MKRN2OS: variants seen among roughly 807,000 people sequenced by gnomAD.
The protein encoded by MKRN2OS is MKRN2 opposite strand, also known as MKRN2 opposite strand protein.
MKRN2OS carries 17 observed loss-of-function variants against 18.2 expected under a neutral mutation model. The observed-to-expected ratio is 0.93, with a 90% confidence interval of 0.64 to 1.40. The LOEUF (loss-of-function observed/expected upper bound fraction) is 1.40. Among genes scored for constraint, MKRN2OS ranks in the 40% most tolerant of loss-of-function variants. MKRN2OS has a pLI of 0.00. For synonymous variants in MKRN2OS, 121 were observed against 108.5 expected, an observed-to-expected ratio of 1.12 and a Z score of -0.72; for missense variants, 337 against 283.0, an observed-to-expected ratio of 1.19 and a Z score of -1.37.
At chr3:12,557,239 G>T in intron 1 of MKRN2OS, 1 of 1,512,438 alleles carries the variant, frequency 6.6e-7, no homozygotes. Flanking sequence ...GCCGGTGCGC[G>T]CCAGTGCTGT....
chr3:12,547,948 G>A (rs1249934773), upstream of MKRN2OS, among the ~76,000 whole-genome samples: 1 of 151,924 alleles, frequency 6.6e-6, no homozygotes, highest in Non-Finnish European at 1.5e-5. Context: ...TACAGTGAAG[G>A]CAGAGAGGTT....
At chr3:12,545,552 A>G, upstream of MKRN2OS, 1 of 1,016,994 alleles carries the variant, frequency 9.8e-7, no homozygotes, top group Non-Finnish European at 1.4e-6. Flanking sequence ...CGCCCCAAGG[A>G]ACCTGATCAA....
Position 12,540,019 on chromosome 3 carries a change from A to G in MKRN2OS, c.*174T>C. 1 of 854,438 alleles carries G rather than the reference A, an allele frequency of 1.2e-6. No individual in the cohort carries two copies. Among genetic ancestry groups the G allele is most frequent in the Middle Eastern group, 3.5e-4 (1 of 2,834 alleles). 52.9% of individuals were successfully genotyped at this position (854,438 alleles called of 1,614,324 possible). On this transcript the variant is annotated 3_prime_UTR_variant, in exon 4 of 4. Transcript: ENST00000564146. ...AGGCTGGTCTCAAACTCCCAACCTC[A>G]GGTGACCTACCTGTCTTAGCTTCCC...
intron 1 of MKRN2OS, among the ~76,000 whole-genome samples, chr3:12,559,832 GT>G (rs934075804): frequency 1.3e-5 from 2 of 152,258 alleles, no homozygotes; most frequent in Admixed American, 6.5e-5. Flanking sequence ...TTAGTAACCA[GT>G]TTATTTCACC....
At chr3:12,547,854 TC>T (rs1190791779), upstream of MKRN2OS, among the ~76,000 whole-genome samples, 2 of 152,120 alleles carry the variant, frequency 1.3e-5, no homozygotes, top group African/African-American at 2.4e-5. Context: ...AAAGTGCATC[TC>T]CAGTGTTATA....
At chr3:12,547,678 T>A (rs2057896445), upstream of MKRN2OS, among the ~76,000 whole-genome samples, 1 of 152,226 alleles carries the variant, frequency 6.6e-6, no homozygotes, top group Non-Finnish European at 1.5e-5. Context: ...ACATTTTGGT[T>A]GTACTACACT....
downstream of MKRN2OS, among the ~76,000 whole-genome samples, chr3:12,551,200 A>T (rs1227078730): frequency 1.3e-5 from 2 of 152,068 alleles, no homozygotes; most frequent in African/African-American, 2.4e-5. Context: ...TTATTAAAAA[A>T]AAAAAAAAAA....
chr3:12,551,760 A>T (rs2057931408), downstream of MKRN2OS, among the ~76,000 whole-genome samples: 1 of 151,536 alleles, frequency 6.6e-6, no homozygotes, highest in Admixed American at 6.6e-5. Context: ...ATATGGTGAA[A>T]CCCCGTCTCT....
chr3:12,557,096 G>A, intron 1 of MKRN2OS: 1 of 1,483,066 alleles, frequency 6.7e-7, no homozygotes, highest in South Asian at 1.3e-5. Flanking sequence ...CAAGGCCGAG[G>A]CGGCAGCGGC....
intron 1 of MKRN2OS, among the ~76,000 whole-genome samples, chr3:12,555,671 A>G (rs1351130830): frequency 6.6e-6 from 1 of 152,226 alleles, no homozygotes; most frequent in Admixed American, 6.5e-5. Context: ...GATAGAGATG[A>G]ACCCAAGCAA....
intron 1 of MKRN2OS, among the ~76,000 whole-genome samples, chr3:12,543,554 T>C (rs1283505004): frequency 1.3e-5 from 2 of 151,888 alleles, no homozygotes; most frequent in African/African-American, 4.8e-5. Flanking sequence ...ACCACTGCAC[T>C]CCACCCTGGG....
intron 1 of MKRN2OS, chr3:12,557,273 C>T (rs2057984153): frequency 1.4e-6 from 2 of 1,457,780 alleles, no homozygotes; most frequent in East Asian, 2.8e-5. Context: ...GAGGCTAGAG[C>T]GGGACTCGGA....
Position 12,543,245 on chromosome 3 carries a change from TTTG to T in MKRN2OS, c.219-19_219-17del, listed in dbSNP as rs757733358. On this transcript the variant is annotated splice_polypyrimidine_tract_variant and intron_variant, in intron 1 of 3. Coordinates refer to ENST00000564146, the MANE Select transcript of MKRN2OS (RefSeq NM_001195279.2). ...ATCATACTCTCTGAAAGAAACAAGG[TTTG>T]TTTTTTTTTGGTTTGCATGTATTTG... 1.3e-6 allele frequency: 2 copies of T among 1,525,956 alleles called. No individual in the cohort carries two copies. The highest frequency in any genetic ancestry group is 2.4e-5 in the South Asian group (2 of 82,954). The allele number at this position is 1,525,956 out of a possible 1,614,324, so 94.5% of individuals were successfully genotyped here.
At chr3:12,543,618 G>A (rs1402256539) in intron 1 of MKRN2OS, among the ~76,000 whole-genome samples, 2 of 151,564 alleles carry the variant, frequency 1.3e-5, no homozygotes, top group African/African-American at 4.9e-5. Flanking sequence ...GGATGCAGTG[G>A]CTCACGCCTG....
upstream of MKRN2OS, among the ~76,000 whole-genome samples, chr3:12,548,206 T>C (rs934280174): frequency 1.1e-4 from 16 of 152,016 alleles, no homozygotes; most frequent in African/African-American, 3.9e-4. Context: ...CCCAGCACTT[T>C]GGGAGGCCGA....
chr3:12,555,571 T>A lies in MKRN2OS; in HGVS notation n.265-1437A>T, dbSNP rs554029990. 2.7e-4 allele frequency among the ~76,000 whole-genome samples: 41 copies of A among 152,186 alleles called. 1 individual carries two copies. In the South Asian group the frequency reaches 8.5e-3, roughly 32 times the overall value. ...ACATAACATGGAAAGATCTCACAGA[T>A]AAAATGTTGGTCAAAAGAAGGCAGA... On this transcript the variant is annotated intron_variant and non_coding_transcript_variant, in intron 1 of 1. Transcript: ENST00000447550.
In MKRN2OS at chr3:12,545,336, G is replaced by T. The variant is rs1159399683; in HGVS notation, c.129C>A (p.Asp43Glu). 1 of 1,536,116 alleles carries T rather than the reference G, an allele frequency of 6.5e-7. No individual in the cohort carries two copies. The highest frequency in any genetic ancestry group is 2.4e-5 in the East Asian group (1 of 40,926). Residue 43 changes from aspartate (D) to glutamate (E), a missense_variant, in exon 1 of 4, where the codon GAC (aspartate) becomes GAA (glutamate). Asp to Glu is a conservative substitution (Grantham distance 45). Coordinates refer to ENST00000564146, the MANE Select transcript of MKRN2OS (RefSeq NM_001195279.2). ...ATGGATTAGCGATGCTAACAGGTGC[G>T]TCCTCCAGCTTCCTCGAGCCCAGGT... ...QQDLGSRKLE[D>E]APVSIANPFT...
rs1283537074 is a variant in MKRN2OS at position 12,543,334 on chromosome 3, C to G, written c.219-105G>C. ...GAGCACAGTGGCTTAGACCTGTAATCCCAGCACTTTGGGAGGCCAAGGCGG... is the reference window on the plus strand; with the variant it reads ...GAGCACAGTGGCTTAGACCTGTAATGCCAGCACTTTGGGAGGCCAAGGCGG... On this transcript the variant is annotated intron_variant, in intron 1 of 3. Coordinates refer to ENST00000564146, the MANE Select transcript of MKRN2OS (RefSeq NM_001195279.2). The G allele has an allele frequency of 3.2e-6, 3 of 945,268 alleles. No homozygotes were observed. The African/African-American group carries it at 5.0e-5, about 16-fold the overall frequency. The allele number at this position is 945,268 out of a possible 1,614,324, so 58.6% of individuals were successfully genotyped here.
rs187795453 is a variant in MKRN2OS, at chr3:12,539,957, A to G, written c.*236T>C. ...TGCGCCACCATGCCCAGCTAATTTT[A>G]TATTTTTAGTAAGGACGGGGTTTCT... On this transcript the variant is annotated 3_prime_UTR_variant, in exon 4 of 4. Transcript: ENST00000564146. 2.8e-4 allele frequency: 135 copies of G among 487,472 alleles called. 1 individual carries two copies. In the East Asian group the frequency reaches 5.3e-3, roughly 19 times the overall value. 30.2% of individuals were successfully genotyped at this position (487,472 alleles called of 1,614,324 possible). A position where few individuals can be genotyped will look rare whatever the true frequency, so the allele number is the denominator to read the frequency against.
Sources: gnomAD v4.1 joint callset for allele counts (sites outside exome capture counted in the v4.1 genomes callset) on GRCh38, gnomAD v4.1.1 for gene constraint, MANE v1.5 for transcripts, NCBI Gene and HGNC (gene_info 2026-07-23, HGNC 2026-07-21) for gene names.